Variants in SGCD observed in about 807,000 individuals in gnomAD.
SGCD encodes the protein sarcoglycan delta.
Under a neutral mutation model 36.6 loss-of-function variants are expected in SGCD, and 18 were observed. The observed-to-expected ratio is 0.49, with a 90% CI of 0.34 to 0.73. The LOEUF is 0.73. Among genes scored for constraint, SGCD ranks in the 30% least tolerant of loss-of-function variants. The pLI, the probability that SGCD is intolerant of heterozygous loss-of-function variation, is 0.01. For synonymous variants in SGCD, 133 were observed against 130.6 expected, an observed-to-expected ratio of 1.02 and a Z score of -0.12; for missense variants, 387 against 346.7, an observed-to-expected ratio of 1.12 and a Z score of -0.92.
intron 7 of SGCD, among the ~76,000 whole-genome samples, chr5:156,700,033 T>C (rs1754469468): frequency 6.6e-6 from 1 of 152,220 alleles, no homozygotes; most frequent in African/African-American, 2.4e-5. Flanking sequence ...CTGGTTGGAA[T>C]GTGGAGGGTG....
intron 7 of SGCD, among the ~76,000 whole-genome samples, chr5:156,656,433 AAAG>A (rs1346163807): frequency 1.3e-4 from 20 of 152,236 alleles, no homozygotes; most frequent in Admixed American, 4.6e-4. Context: ...GTTTTGATTG[AAAG>A]AAGAGAGAAG....
chr5:156,233,137 A>G (rs1765063739), intron 3 of SGCD, among the ~76,000 whole-genome samples: 1 of 152,230 alleles, frequency 6.6e-6, no homozygotes, highest in Non-Finnish European at 1.5e-5. Context: ...TAATAGAGCC[A>G]TGATAAAATT....
intron 3 of SGCD, among the ~76,000 whole-genome samples, chr5:156,385,744 C>A (rs1771242404): frequency 6.6e-6 from 1 of 152,126 alleles, no homozygotes; most frequent in Non-Finnish European, 1.5e-5. Flanking sequence ...GAGGGAACAC[C>A]ACAAAGAACC....
In SGCD at chr5:156,061,488, C is replaced by T. The variant is rs544811821; in HGVS notation, c.-281-56390C>T. Among the ~76,000 whole-genome samples, 14 of 145,948 alleles carry T rather than the reference C, an allele frequency of 9.6e-5. 2 individuals are homozygous for T. The South Asian group carries it at 2.8e-3, about 29-fold the overall frequency. On this transcript the variant is annotated intron_variant, in intron 1 of 9. Coordinates refer to the SGCD transcript ENST00000517913. ...AACTGGTATCCTGAAAACCAGGATT[C>T]GACTTAGCTTGGGTTTCTTCCTTAA... is the stretch of plus-strand genomic sequence containing the variant.
chr5:156,139,346 G>C (rs1225911774), intron 3 of SGCD, among the ~76,000 whole-genome samples: 3 of 126,902 alleles, frequency 2.4e-5, no homozygotes, highest in Admixed American at 1.5e-4. Context: ...ATTAATTTTT[G>C]TAGTTTGGGC....
intron 3 of SGCD, among the ~76,000 whole-genome samples, chr5:156,480,284 T>C (rs908602283): frequency 1.3e-5 from 2 of 152,244 alleles, no homozygotes; most frequent in Admixed American, 1.3e-4. Context: ...GAGTTTTGAT[T>C]CCATTCATCT....
chr5:156,721,666 A>G (rs1188657631), intron 7 of SGCD, among the ~76,000 whole-genome samples: 3 of 152,194 alleles, frequency 2.0e-5, no homozygotes, highest in Non-Finnish European at 2.9e-5. Context: ...AGAAAAATTG[A>G]TGATACAGAA....
intron 7 of SGCD, chr5:156,704,157 C>T (rs930554892): frequency 1.3e-5 from 2 of 152,192 alleles, no homozygotes; most frequent in Non-Finnish European, 2.9e-5. Flanking sequence ...TGAAATTCCA[C>T]TTTACTCTTT....
chr5:156,655,572 T>C (rs575669871), intron 7 of SGCD, among the ~76,000 whole-genome samples: 1 of 152,256 alleles, frequency 6.6e-6, no homozygotes, highest in Admixed American at 6.6e-5. Flanking sequence ...TCCAGACAAA[T>C]AATGAGTGTT....
the SGCD span, among the ~76,000 whole-genome samples, chr5:155,728,117 T>C: frequency 1.3e-5 from 2 of 152,006 alleles, no homozygotes; most frequent in Non-Finnish European, 2.9e-5. Flanking sequence ...GCCCCGCGCC[T>C]TCGGGAGCCT....
intron 1 of SGCD, among the ~76,000 whole-genome samples, chr5:155,956,612 C>G (rs541769774): frequency 6.6e-6 from 1 of 152,060 alleles, no homozygotes; most frequent in African/African-American, 2.4e-5. Flanking sequence ...GGCCAGAAAT[C>G]GAAAGTCAAG....
intron 6 of SGCD, among the ~76,000 whole-genome samples, chr5:156,610,777 A>T (rs1761759777): frequency 6.6e-6 from 1 of 152,180 alleles, no homozygotes; most frequent in Non-Finnish European, 1.5e-5. Context: ...GCCACCTTGC[A>T]GTTTGATCTC....
intron 1 of SGCD, among the ~76,000 whole-genome samples, chr5:156,085,189 T>G (rs1236464361): frequency 2.6e-5 from 4 of 152,140 alleles, no homozygotes; most frequent in Non-Finnish European, 5.9e-5. Flanking sequence ...GTTGTTGTTC[T>G]GTCTCTATCT....
chr5:156,436,005 C>A (rs191959233), intron 3 of SGCD, among the ~76,000 whole-genome samples: 1 of 152,162 alleles, frequency 6.6e-6, no homozygotes, highest in Non-Finnish European at 1.5e-5. Flanking sequence ...AGTTCCCAGA[C>A]CAAGTGTGGA....
rs773735112 is a variant in SGCD at position 156,054,712 on chromosome 5, A to C, written c.-281-63166A>C. On this transcript the variant is annotated intron_variant, in intron 1 of 9. Transcript: ENST00000517913. Reference sequence around the variant, plus strand: ...CTTTATCATATACATGTGTATATTCATTATCCCATTTCTTTTCTCTTTCCT... The same window carrying C: ...CTTTATCATATACATGTGTATATTCCTTATCCCATTTCTTTTCTCTTTCCT... 3.8e-4 allele frequency among the ~76,000 whole-genome samples: 56 copies of C among 147,046 alleles called. 10 individuals are homozygous for C. Among genetic ancestry groups the C allele is most frequent in the Non-Finnish European group, 6.9e-4 (45 of 65,156 alleles).
At chr5:156,727,753 T>A (rs1755850296) in intron 7 of SGCD, among the ~76,000 whole-genome samples, 8 of 152,242 alleles carry the variant, frequency 5.3e-5, no homozygotes, top group Admixed American at 5.2e-4. Context: ...TAAGATTATA[T>A]GCATAAATTA....
chr5:156,733,474 G>GAGA (rs76811824), intron 7 of SGCD, among the ~76,000 whole-genome samples: 5 of 152,080 alleles, frequency 3.3e-5, no homozygotes, highest in Admixed American at 6.6e-5. Context: ...ATGTGGCAAT[G>GAGA]AGAAGAATGT....
At position 156,442,338 on chromosome 5, in the gene SGCD, G is replaced by A. The variant is rs1043179949; in HGVS notation, c.193-66263G>A. Among the ~76,000 whole-genome samples the A allele has an allele frequency of 1.4e-4, 22 of 152,280 alleles. No homozygotes were observed. In the South Asian group the frequency reaches 1.9e-3, roughly 13 times the overall value. On this transcript the variant is annotated intron_variant, in intron 3 of 8. Coordinates refer to ENST00000337851, the MANE Select transcript of SGCD (RefSeq NM_000337.6). ...AACAGAGTAGAAAGGGCTATGAGACGAAATTGGTTTACATTGGTTTAAACC... is the reference window on the plus strand; with the variant it reads ...AACAGAGTAGAAAGGGCTATGAGACAAAATTGGTTTACATTGGTTTAAACC...
At chr5:156,681,115 G>A (rs1010731116) in intron 7 of SGCD, among the ~76,000 whole-genome samples, 1 of 152,204 alleles carries the variant, frequency 6.6e-6, no homozygotes, top group Admixed American at 6.5e-5. Flanking sequence ...AGATCAGTAG[G>A]GGATCAGGGT....
Sources: allele counts gnomAD v4.1 joint callset (sites outside exome capture counted in the v4.1 genomes callset), GRCh38; gene constraint gnomAD v4.1.1; transcripts MANE v1.5; gene names NCBI Gene and HGNC (gene_info 2026-07-23, HGNC 2026-07-21).